The following SLC15A3 variants were observed in gnomAD, a reference collection of about 807,000 sequenced individuals.
SLC15A3 encodes osteoclast transporter.
A neutral mutation model predicts 49.2 loss-of-function variants in SLC15A3; 39 were observed. The observed-to-expected ratio is 0.79, with a 90% confidence interval of 0.61 to 1.04. SLC15A3 has a LOEUF of 1.04. SLC15A3 is among the 50% of genes least tolerant of loss of function. The pLI is 0.00. For synonymous variants in SLC15A3, 339 were observed against 367.0 expected (o/e 0.92, Z 0.87); for missense variants, 758 against 794.8 (o/e 0.95, Z 0.56).
intron 1 of SLC15A3, chr11:60,947,633 C>T (rs1856824401): frequency 6.6e-6 from 1 of 152,172 alleles, no homozygotes; most frequent in Non-Finnish European, 1.5e-5. Context: ...CTACTGTGAC[C>T]CATCCTTTCA....
chr11:60,937,918 C>A lies in SLC15A3; in HGVS notation c.1543G>T (p.Ala515Ser). 1 of 1,614,180 alleles carries A rather than the reference C, an allele frequency of 6.2e-7. No individual in the cohort carries two copies. The highest frequency in any genetic ancestry group is 8.5e-7 in the Non-Finnish European group (1 of 1,179,996). Residue 515 changes from alanine (A) to serine (S), a missense_variant, in exon 7 of 8, where the codon GCA becomes TCA. Around this residue, in one of 3 missense-constraint regions of SLC15A3, gnomAD observed 699 missense variants for 706.7 expected, o/e 0.99. Coordinates refer to ENST00000227880, the MANE Select transcript of SLC15A3 (RefSeq NM_016582.3). ...VGSLLGSSLV[A>S]LLSLPGGWLH... ...CAGCCCCCGGGCAAGGACAGCAGTG[C>A]CACTAGGCTGGAGCCCAACAGTGAG...
At chr11:60,943,662 C>T (rs1416478506) in intron 3 of SLC15A3, 27 bp downstream of exon 3, 1 of 1,488,858 alleles carries the variant, frequency 6.7e-7, no homozygotes, top group Non-Finnish European at 9.0e-7. Context: ...AGCCAGGCCC[C>T]CAGAGAAAAA....
intron 1 of SLC15A3, 41 bp downstream of exon 1, chr11:60,950,953 C>T: frequency 5.0e-6 from 7 of 1,399,220 alleles, no homozygotes; most frequent in East Asian, 3.0e-5. Flanking sequence ...CTTCCCTCCA[C>T]ACCCGCCGGA....
In SLC15A3 at chr11:60,951,292, G is replaced by C. The variant is rs752792112; in HGVS notation, c.260C>G (p.Ala87Gly). Residue 87 changes from alanine to glycine, a missense_variant, in exon 1 of 8, where the codon GCG becomes GGG. Coordinates refer to ENST00000227880, the MANE Select transcript of SLC15A3 (RefSeq NM_016582.3). ...GTCGGCCAGCCAGCCGCCCACGGGC[G>C]CCAGCAGGTAGGAGGCGCCCAGGAA... is the stretch of plus-strand genomic sequence containing the variant. ...LVFLGASYLL[A>G]PVGGWLADVY... 11 of 1,521,566 alleles carry C rather than the reference G, an allele frequency of 7.2e-6. No individual in the cohort carries two copies. The highest frequency in any genetic ancestry group is 7.0e-6 in the Non-Finnish European group (8 of 1,136,896). 94.3% of individuals were successfully genotyped at this position (1,521,566 alleles called of 1,614,324 possible). A position where few individuals can be genotyped will look rare whatever the true frequency, so the allele number is the denominator to read the frequency against.
At position 60,946,133 on chromosome 11, in the gene SLC15A3, C is replaced by T. The variant is rs187718351; in HGVS notation, c.848+399G>A. ...TCAGCCTCCCAAGTAGCTGAGACCA[C>T]AGGCACAGGCCACCACACCCCACTA... On this transcript the variant is annotated intron_variant, in intron 2 of 7. Coordinates refer to ENST00000227880, the MANE Select transcript of SLC15A3 (RefSeq NM_016582.3). Among the ~76,000 whole-genome samples the T allele has an allele frequency of 4.6e-5, 7 of 152,294 alleles. No homozygotes were observed. The East Asian group carries it at 1.4e-3, about 29-fold the overall frequency.
At chr11:60,945,518 C>A (rs144658662) in intron 2 of SLC15A3, among the ~76,000 whole-genome samples, 18 of 152,226 alleles carry the variant, frequency 1.2e-4, no homozygotes, top group Non-Finnish European at 2.5e-4. Flanking sequence ...CCACACTTCT[C>A]GGCTCCTGAC....
intron 2 of SLC15A3, 79 bp from the exon 3 acceptor site, chr11:60,943,915 T>C (rs1379192563): frequency 7.5e-7 from 1 of 1,335,768 alleles, no homozygotes; most frequent in African/African-American, 1.5e-5. Flanking sequence ...CCCAGCACTT[T>C]GGGAGGCTGA....
intron 6 of SLC15A3, among the ~76,000 whole-genome samples, chr11:60,938,877 G>C (rs1856666593): frequency 1.3e-5 from 2 of 152,132 alleles, no homozygotes; most frequent in South Asian, 4.1e-4. Flanking sequence ...GAGCTCCCAG[G>C]GTCAGTCTTT....
Position 60,937,387 on chromosome 11 carries a change from G to A in SLC15A3, c.1592-14C>T, listed in dbSNP as rs1052331633. The A allele has an allele frequency of 6.2e-7, 1 of 1,613,982 alleles. No homozygotes were observed. The highest frequency in any genetic ancestry group is 1.1e-5 in the South Asian group (1 of 91,068). On this transcript the variant is annotated splice_polypyrimidine_tract_variant and intron_variant, in intron 7 of 7. Transcript: ENST00000227880. ...TGTTGATGTTCCCTGGGGAAAGGAG[G>A]GGTTAGATTTGGGTCAGGACAGGGA...
chr11:60,939,723 G>A (rs943586667), intron 5 of SLC15A3, 85 bp from the exon 6 acceptor site: 5 of 1,495,122 alleles, frequency 3.3e-6, no homozygotes, highest in Non-Finnish European at 4.5e-6. Flanking sequence ...GTGGGGATGG[G>A]GTACTCATGA....
intron 5 of SLC15A3, chr11:60,940,114 G>C (rs552164026): frequency 6.1e-6 from 1 of 164,390 alleles, no homozygotes; most frequent in South Asian, 1.6e-4. Flanking sequence ...AAGTATTGCT[G>C]TAGTGTTTCT....
At chr11:60,949,411 A>G (rs1470497696) in intron 1 of SLC15A3, among the ~76,000 whole-genome samples, 1 of 89,502 alleles carries the variant, frequency 1.1e-5, no homozygotes, top group Non-Finnish European at 2.8e-5. Context: ...AGAAAGGAAG[A>G]AAGAAAGAAA....
chr11:60,952,133 C>G lies in SLC15A3; in HGVS notation c.-582G>C, dbSNP rs3763839. 0.19 allele frequency among the ~76,000 whole-genome samples: 29,095 copies of G among 151,706 alleles called. 3,903 individuals carry two copies. The highest frequency in any genetic ancestry group is 0.61 in the East Asian group (3,072 of 5,040). On this transcript the variant is annotated 5_prime_UTR_variant, in exon 1 of 8. Transcript: ENST00000227880. ...CTCTCAGTCCCCTGCAGCCCTCCCC[C>G]CAGGCTCAGCCTCTGTCCCTCTCTC...
intron 2 of SLC15A3, among the ~76,000 whole-genome samples, chr11:60,944,402 G>A (rs779073771): frequency 2.6e-5 from 4 of 151,994 alleles, no homozygotes; most frequent in South Asian, 2.1e-4. Flanking sequence ...CAGCAAAATC[G>A]TCCTCTCCAC....
At chr11:60,948,942 G>A (rs1856844792) in intron 1 of SLC15A3, among the ~76,000 whole-genome samples, 2 of 152,186 alleles carry the variant, frequency 1.3e-5, no homozygotes, top group Non-Finnish European at 2.9e-5. Context: ...GGTGCTAGTG[G>A]GATGTCAATG....
intron 1 of SLC15A3, among the ~76,000 whole-genome samples, chr11:60,947,996 C>A (rs2134938617): frequency 1.3e-5 from 2 of 152,328 alleles, no homozygotes; most frequent in East Asian, 3.9e-4. Flanking sequence ...ATTGCTAAAC[C>A]AGTCACCCTT....
rs748299486 is a variant in SLC15A3 at position 60,942,087 on chromosome 11, G to C, written c.1055C>G (p.Ala352Gly). The C allele has an allele frequency of 5.0e-6, 8 of 1,614,068 alleles. No homozygotes were observed. Among genetic ancestry groups the C allele is most frequent in the Non-Finnish European group, 6.8e-6 (8 of 1,180,014 alleles). Residue 352 changes from alanine to glycine, a missense_variant, in exon 4 of 8, where the codon GCC becomes GGC. Coordinates refer to ENST00000227880, the MANE Select transcript of SLC15A3 (RefSeq NM_016582.3). ...GGCCACAGAGATGTTGGCCGGGTTG[G>C]CTGGGAAAATGTTTGGGATGTGGAG... ...LHLHIPNIFP[A>G]NPANISVALR...
At chr11:60,941,411 T>A in intron 4 of SLC15A3, 121 bp from the exon 5 acceptor site, 2 of 962,772 alleles carry the variant, frequency 2.1e-6, no homozygotes, top group Non-Finnish European at 3.0e-6. Context: ...TTTCCCTCTC[T>A]GGAGTTCATG....
At chr11:60,948,540 GC>G (rs1856838624) in intron 1 of SLC15A3, among the ~76,000 whole-genome samples, 1 of 117,760 alleles carries the variant, frequency 8.5e-6, no homozygotes, top group African/African-American at 3.4e-5. Context: ...CCATCTGACT[GC>G]CCCCCTGAAT....
Sources: gnomAD v4.1 joint callset for allele counts (sites outside exome capture counted in the v4.1 genomes callset) on GRCh38, gnomAD v4.1.1 for gene constraint, gnomAD v4.1.1 regional missense constraint, MANE v1.5 for transcripts, NCBI Gene and HGNC (gene_info 2026-07-23, HGNC 2026-07-21) for gene names.